Variants in AGBL1 observed in about 807,000 individuals in gnomAD.
AGBL1 encodes the protein cytosolic carboxypeptidase 4.
Under a neutral mutation model 118.9 loss-of-function variants are expected in AGBL1, and 130 were observed. The observed-to-expected ratio is 1.09, with a 90% CI of 0.95 to 1.26. The LOEUF is 1.26. Ranked by LOEUF, AGBL1 falls within the 50% of genes most tolerant of loss-of-function variation. The pLI is 0.00. For synonymous variants in AGBL1, 555 were observed against 478.9 expected, an observed-to-expected ratio of 1.16 and a Z score of -2.08; for missense variants, 1,584 against 1,298.1, an observed-to-expected ratio of 1.22 and a Z score of -3.38.
At chr15:86,272,639 T>C (rs930894729) in intron 15 of AGBL1, among the ~76,000 whole-genome samples, 1 of 152,066 alleles carries the variant, frequency 6.6e-6, no homozygotes, top group Non-Finnish European at 1.5e-5. Context: ...GGAGTATTGA[T>C]AGATGGGAAA....
intron 15 of AGBL1, among the ~76,000 whole-genome samples, chr15:86,274,468 T>A (rs980546397): frequency 6.6e-6 from 1 of 152,234 alleles, no homozygotes; most frequent in Admixed American, 6.5e-5. Context: ...AGTAATTGTC[T>A]AGTTTGTGAG....
At chr15:86,206,274 A>G (rs1409998288) in intron 5 of AGBL1, among the ~76,000 whole-genome samples, 2 of 152,236 alleles carry the variant, frequency 1.3e-5, no homozygotes, top group Admixed American at 1.3e-4. Context: ...CATTAAACAT[A>G]CATGTGCATG....
intron 24 of AGBL1, among the ~76,000 whole-genome samples, chr15:87,004,542 T>C (rs1311293713): frequency 6.6e-6 from 1 of 152,194 alleles, no homozygotes; most frequent in East Asian, 1.9e-4. Context: ...ATTTGCTTGG[T>C]AGATCTTCCT....
intron 1 of AGBL1, among the ~76,000 whole-genome samples, chr15:86,080,873 T>A (rs1895227269): frequency 6.6e-6 from 1 of 152,060 alleles, no homozygotes; most frequent in African/African-American, 2.4e-5. Context: ...CCAAGGGGTC[T>A]TCTACCCCAG....
chr15:86,755,602 C>G (rs979790945), intron 22 of AGBL1, among the ~76,000 whole-genome samples: 2 of 152,046 alleles, frequency 1.3e-5, no homozygotes, highest in Non-Finnish European at 2.9e-5. Flanking sequence ...GATTGACAAC[C>G]CTCTGTATAC....
chr15:86,919,899 A>G (rs560120924), downstream of AGBL1, among the ~76,000 whole-genome samples: 252 of 152,274 alleles, frequency 1.7e-3, 2 homozygotes, highest in African/African-American at 5.8e-3. Flanking sequence ...AGGAGTAGGC[A>G]GGGGCTGCCT....
intron 1 of AGBL1, among the ~76,000 whole-genome samples, chr15:86,087,707 G>C (rs1435383486): frequency 6.6e-6 from 1 of 152,162 alleles, no homozygotes; most frequent in Admixed American, 6.5e-5. Flanking sequence ...AGATTGGAGA[G>C]GTTAGTGAAT....
intron 1 of AGBL1, chr15:86,083,540 G>C (rs1431205450): frequency 6.6e-6 from 1 of 152,016 alleles, no homozygotes; most frequent in African/African-American, 2.4e-5. Context: ...TTCTCAACTT[G>C]GGATCCAAGA....
intron 23 of AGBL1, among the ~76,000 whole-genome samples, chr15:86,967,253 A>T (rs1186964007): frequency 1.3e-5 from 2 of 152,210 alleles, no homozygotes; most frequent in East Asian, 3.9e-4. Context: ...TAGGTTGCAA[A>T]AATTTCCTCC....
At chr15:86,587,582 G>T (rs373161416) in intron 21 of AGBL1, among the ~76,000 whole-genome samples, 1 of 152,194 alleles carries the variant, frequency 6.6e-6, no homozygotes, top group African/African-American at 2.4e-5. Flanking sequence ...AGGCATAAAG[G>T]CCAAGTGGCA....
chr15:86,117,775 A>G (rs1306223748), intron 1 of AGBL1, among the ~76,000 whole-genome samples: 1 of 152,162 alleles, frequency 6.6e-6, no homozygotes, highest in Non-Finnish European at 1.5e-5. Flanking sequence ...AACAACAACT[A>G]AGCTTAATGT....
At chr15:86,470,217 A>C (rs757652930) in intron 18 of AGBL1, among the ~76,000 whole-genome samples, 13 of 152,148 alleles carry the variant, frequency 8.5e-5, no homozygotes, top group Non-Finnish European at 1.3e-4. Context: ...CTGGATTTTA[A>C]GTGATTAATT....
At chr15:86,700,375 A>G (rs909638419) in intron 22 of AGBL1, among the ~76,000 whole-genome samples, 1 of 151,722 alleles carries the variant, frequency 6.6e-6, no homozygotes, top group Non-Finnish European at 1.5e-5. Flanking sequence ...CTCTAGAATC[A>G]CCCATTTTTA....
chr15:86,622,768 C>T (rs994390322), intron 21 of AGBL1, among the ~76,000 whole-genome samples: 1 of 152,128 alleles, frequency 6.6e-6, no homozygotes, highest in Non-Finnish European at 1.5e-5. Flanking sequence ...CAGGATGATT[C>T]AAGGGCACTG....
intron 21 of AGBL1, among the ~76,000 whole-genome samples, chr15:86,626,040 G>A (rs8040090): frequency 0.14 from 21,734 of 152,036 alleles, 1,989 homozygotes; most frequent in African/African-American, 0.25. Flanking sequence ...GGAAGAAAGA[G>A]ATGCATGAAC....
chr15:86,520,738 G>A (rs943110927), intron 18 of AGBL1, among the ~76,000 whole-genome samples: 1 of 152,166 alleles, frequency 6.6e-6, no homozygotes, highest in African/African-American at 2.4e-5. Flanking sequence ...CAAATCCCCA[G>A]TGTTGATGAG....
chr15:86,412,504 A>C (rs1313459618), intron 18 of AGBL1, among the ~76,000 whole-genome samples: 1 of 152,178 alleles, frequency 6.6e-6, no homozygotes, highest in Non-Finnish European at 1.5e-5. Context: ...TGTTTTAACT[A>C]TAATTGTCAG....
chr15:87,003,883 T>C (rs1358270697), intron 24 of AGBL1, among the ~76,000 whole-genome samples: 2 of 152,196 alleles, frequency 1.3e-5, no homozygotes, highest in African/African-American at 4.8e-5. Flanking sequence ...TTGCTAGTGG[T>C]CTATCAATTT....
chr15:86,264,174 C>A, intron 10 of AGBL1, 84 bp from the exon 11 acceptor site: 1 of 1,157,996 alleles, frequency 8.6e-7, no homozygotes, highest in Non-Finnish European at 1.2e-6. Flanking sequence ...TAGCTCTGTG[C>A]CCAGAGAGTA....
Sources: gnomAD v4.1 joint callset for allele counts (sites outside exome capture counted in the v4.1 genomes callset) on GRCh38, gnomAD v4.1.1 for gene constraint, MANE v1.5 for transcripts, NCBI Gene and HGNC (gene_info 2026-07-23, HGNC 2026-07-21) for gene names.